Variants in MARCO observed in about 807,000 individuals in gnomAD.
MARCO encodes the protein macrophage receptor with collagenous structure.
In MARCO, 72 loss-of-function variants were observed where a neutral mutation model predicts 70.0. That is an observed-to-expected ratio of 1.03 (90% CI 0.85 to 1.25). The LOEUF (loss-of-function observed/expected upper bound fraction) is 1.25, where lower values mean the gene tolerates loss of function less well. Ranked by LOEUF, MARCO falls within the 50% of genes most tolerant of loss-of-function variation. The probability of loss-of-function intolerance (pLI) is 0.00; values close to 1 mark genes in which losing one functional copy is unlikely to be tolerated. For missense variants in MARCO, 696 were observed against 659.3 expected (o/e 1.06, Z -0.61); for synonymous variants, 273 against 243.1 (o/e 1.12, Z -1.14).
intron 16 of MARCO, 111 bp downstream of exon 16, chr2:118,993,411 A>G: frequency 8.8e-7 from 1 of 1,140,230 alleles, no homozygotes; most frequent in Non-Finnish European, 1.3e-6. Context: ...AAAGAAAAAT[A>G]TTGGTCCAAG....
Position 118,990,569 on chromosome 2 carries a change from C to CGGGGGGTG in MARCO, c.1064-20_1064-19insGGGGGGTG. 1.4e-6 allele frequency: 2 copies of CGGGGGGTG among 1,415,982 alleles called. No individual in the cohort carries two copies. Among genetic ancestry groups the CGGGGGGTG allele is most frequent in the Non-Finnish European group, 1.9e-6 (2 of 1,028,336 alleles). 87.7% of individuals were successfully genotyped at this position (1,415,982 alleles called of 1,614,324 possible). On this transcript the variant is annotated intron_variant, in intron 12 of 16. Transcript: ENST00000327097. ...AGTTTTATTATCTCCTCCCCCCCCC[C>CGGGGGGTG]TTTTTTGTTTTGATCTTAGGACTTC...
chr2:118,978,642 G>A (rs1435315836), intron 8 of MARCO, among the ~76,000 whole-genome samples: 2 of 152,128 alleles, frequency 1.3e-5, no homozygotes, highest in Non-Finnish European at 2.9e-5. Context: ...TGTGACTAAC[G>A]CAATACTTCA....
intron 1 of MARCO, among the ~76,000 whole-genome samples, chr2:118,967,783 A>C (rs1278454191): frequency 1.3e-5 from 2 of 152,204 alleles, no homozygotes; most frequent in Non-Finnish European, 2.9e-5. Context: ...GTTTAAGTGC[A>C]TCTGTCACAA....
intron 12 of MARCO, among the ~76,000 whole-genome samples, chr2:118,983,559 T>C (rs575414655): frequency 8.2e-4 from 125 of 152,304 alleles, no homozygotes; most frequent in Non-Finnish European, 1.4e-3. Flanking sequence ...CCTGATCCCA[T>C]GTGGATGCCA....
chr2:118,968,636 A>G (rs1252328791), intron 1 of MARCO, among the ~76,000 whole-genome samples: 1 of 152,154 alleles, frequency 6.6e-6, no homozygotes, highest in Non-Finnish European at 1.5e-5. Context: ...GATAAAATAT[A>G]TCAAGCATGT....
chr2:118,946,637 G>T lies in MARCO; in HGVS notation c.97+4240G>T, dbSNP rs551425618. On this transcript the variant is annotated intron_variant, in intron 1 of 16. Coordinates refer to ENST00000327097, the MANE Select transcript of MARCO (RefSeq NM_006770.4). ...AAATAAAGTTGCCATGACCATTTCT[G>T]TAAGTGTTTTGTGTGACTTTAAGTT... 8.0e-5 allele frequency among the ~76,000 whole-genome samples: 10 copies of T among 125,016 alleles called. 1 individual carries two copies. The East Asian group carries it at 2.3e-3, about 29-fold the overall frequency. The allele number at this position is 125,016 out of a possible 152,430, so 82.0% of individuals were successfully genotyped here. A position where few individuals can be genotyped will look rare whatever the true frequency, so the allele number is the denominator to read the frequency against.
At chr2:118,978,513 G>A (rs1406130036) in intron 8 of MARCO, among the ~76,000 whole-genome samples, 8 of 152,182 alleles carry the variant, frequency 5.3e-5, no homozygotes, top group African/African-American at 1.7e-4. Context: ...AGCATGCCAC[G>A]CTCTCCGCCT....
Position 118,981,429 on chromosome 2 carries a change from A to C in MARCO, c.787A>C (p.Met263Leu). 6.2e-7 allele frequency: 1 copy of C among 1,600,198 alleles called. No homozygotes were observed. The highest frequency in any genetic ancestry group is 8.5e-7 in the Non-Finnish European group (1 of 1,176,942). Reference sequence around the variant, plus strand: ...TTCAGGAAGCAAAGGGGACAGGGGCATGAAAGGAGATGCAGGGGTCATGGG... The same window carrying C: ...TTCAGGAAGCAAAGGGGACAGGGGCCTGAAAGGAGATGCAGGGGTCATGGG... ...GLPGSKGDRGMKGDAGVMGPP... is the reference protein window; with the variant it reads ...GLPGSKGDRGLKGDAGVMGPP... The change falls in exon 9 of 17, where the codon ATG becomes CTG. Residue 263 changes from methionine (M) to leucine (L), a missense_variant. Around this residue, in one of 3 missense-constraint regions of MARCO, gnomAD observed 605 missense variants for 537.6 expected, o/e 1.13. Coordinates refer to ENST00000327097, the MANE Select transcript of MARCO (RefSeq NM_006770.4).
chr2:118,970,031 A>C (rs748413679), intron 2 of MARCO, 83 bp from the exon 3 acceptor site: 1 of 1,181,264 alleles, frequency 8.5e-7, no homozygotes, highest in Non-Finnish European at 1.2e-6. Context: ...GGCCTGTAGA[A>C]GTTATGCACA....
At chr2:118,966,928 T>C (rs1254100683) in intron 1 of MARCO, among the ~76,000 whole-genome samples, 2 of 152,244 alleles carry the variant, frequency 1.3e-5, no homozygotes, top group African/African-American at 4.8e-5. Flanking sequence ...CCTGAGGCCC[T>C]GAGTTGCATT....
At chr2:118,944,267 A>C (rs1679555068) in intron 1 of MARCO, among the ~76,000 whole-genome samples, 1 of 152,172 alleles carries the variant, frequency 6.6e-6, no homozygotes, top group African/African-American at 2.4e-5. Flanking sequence ...CTCACCAAAA[A>C]ACCAAAACTA....
chr2:118,980,810 A>C (rs1204901314), intron 8 of MARCO, among the ~76,000 whole-genome samples: 1 of 152,148 alleles, frequency 6.6e-6, no homozygotes, highest in East Asian at 1.9e-4. Context: ...CCCAGTGAGG[A>C]GCCTCTGTCA....
At chr2:118,945,225 A>C (rs904882547) in intron 1 of MARCO, among the ~76,000 whole-genome samples, 1 of 151,984 alleles carries the variant, frequency 6.6e-6, no homozygotes, top group Non-Finnish European at 1.5e-5. Context: ...CCTGTTGGCA[A>C]TATCTTTCTG....
intron 1 of MARCO, among the ~76,000 whole-genome samples, chr2:118,956,576 G>A (rs946066776): frequency 5.3e-5 from 8 of 152,112 alleles, no homozygotes; most frequent in African/African-American, 1.9e-4. Context: ...GACAGCACAG[G>A]AGGGTCATCA....
intron 1 of MARCO, among the ~76,000 whole-genome samples, chr2:118,966,581 T>C (rs749802799): frequency 4.2e-4 from 64 of 152,338 alleles, no homozygotes; most frequent in Non-Finnish European, 7.3e-4. Context: ...ATTCTGGGCC[T>C]GGATGGCTAT....
chr2:118,974,884 C>T (rs545939936), intron 6 of MARCO, among the ~76,000 whole-genome samples: 2 of 152,252 alleles, frequency 1.3e-5, no homozygotes, highest in South Asian at 2.1e-4. Flanking sequence ...GAAAGTTGGC[C>T]TCCTTGGTCC....
At chr2:118,946,207 C>T (rs993867634) in intron 1 of MARCO, among the ~76,000 whole-genome samples, 2 of 152,096 alleles carry the variant, frequency 1.3e-5, no homozygotes, top group Admixed American at 1.3e-4. Flanking sequence ...AAAATTACAA[C>T]CAGGAAACTG....
intron 3 of MARCO, 43 bp from the exon 4 acceptor site, chr2:118,971,456 G>T (rs746176613): frequency 1.2e-6 from 2 of 1,607,988 alleles, no homozygotes; most frequent in African/African-American, 2.7e-5. Context: ...TGGGCCAAGG[G>T]TACCCCACAG....
chr2:118,944,965 G>A (rs80022159), intron 1 of MARCO: 2 of 151,972 alleles, frequency 1.3e-5, no homozygotes, highest in South Asian at 4.2e-4. Context: ...TAGCTTTTTA[G>A]GAGTGTGATT....
Sources: gnomAD v4.1 joint callset for allele counts (sites outside exome capture counted in the v4.1 genomes callset) on GRCh38, gnomAD v4.1.1 for gene constraint, gnomAD v4.1.1 regional missense constraint, MANE v1.5 for transcripts, NCBI Gene and HGNC (gene_info 2026-07-23, HGNC 2026-07-21) for gene names.